Variants in KLF5 observed in about 807,000 individuals in gnomAD.
KLF5 encodes the protein KLF transcription factor 5.
A neutral mutation model predicts 36.9 loss-of-function variants in KLF5; 9 were observed. The ratio of observed to expected loss-of-function variants is 0.24; its 90% CI spans 0.15 to 0.43. KLF5 has a LOEUF of 0.43. KLF5 is among the 20% of genes least tolerant of loss of function. The probability of loss-of-function intolerance (pLI) is 1.00; values close to 1 mark genes in which losing one functional copy is unlikely to be tolerated. For missense variants in KLF5, 524 were observed against 599.5 expected (o/e 0.87, Z 1.31); for synonymous variants, 246 against 241.7 (o/e 1.02, Z -0.17).
At position 73,059,529 on chromosome 13, in the gene KLF5, C is replaced by G; in HGVS notation, c.202C>G (p.Pro68Ala). Residue 68 changes from proline to alanine, a missense_variant, in exon 1 of 4, where the codon CCG becomes GCG. By Grantham distance (27) the Pro-to-Ala change is conservative. This residue lies in a region of KLF5 where 454 missense variants were observed against 458.1 expected (regional missense o/e 0.99). Coordinates refer to ENST00000377687, the MANE Select transcript of KLF5 (RefSeq NM_001730.5). ...PQAQPAPAQA[P>A]QPAQPPATGP... Reference sequence around the variant, plus strand: ...GGCGCAGCCCGCGCCCGCGCAGGCCCCGCAGCCGGCCCAGCCGCCCGCCAC... The same window carrying G: ...GGCGCAGCCCGCGCCCGCGCAGGCCGCGCAGCCGGCCCAGCCGCCCGCCAC... The G allele has an allele frequency of 5.0e-6, 6 of 1,194,526 alleles. No homozygotes were observed. The highest frequency in any genetic ancestry group is 6.2e-6 in the Non-Finnish European group (6 of 967,882). 74.0% of individuals were successfully genotyped at this position (1,194,526 alleles called of 1,614,324 possible). A position where few individuals can be genotyped will look rare whatever the true frequency, so the allele number is the denominator to read the frequency against.
intron 3 of KLF5, among the ~76,000 whole-genome samples, chr13:73,067,586 TTTC>T (rs904217058): frequency 2.0e-5 from 3 of 152,074 alleles, no homozygotes; most frequent in African/African-American, 7.3e-5. Flanking sequence ...AGATTTTTTC[TTTC>T]TTTTTTTTCC....
At chr13:73,061,702 A>G (rs1033058212) in intron 1 of KLF5, among the ~76,000 whole-genome samples, 159 bp from the exon 2 acceptor site, 6 of 152,182 alleles carry the variant, frequency 3.9e-5, no homozygotes, top group Admixed American at 6.5e-5. Context: ...TTATTACACA[A>G]TCGACAAAAT....
At position 73,059,332 on chromosome 13, in the gene KLF5, C is replaced by G. The variant is rs1295931923; in HGVS notation, c.5C>G (p.Ala2Gly). 2.1e-6 allele frequency: 3 copies of G among 1,404,988 alleles called. No homozygotes were observed. Among genetic ancestry groups the G allele is most frequent in the Non-Finnish European group, 2.8e-6 (3 of 1,081,308 alleles). 87.0% of individuals were successfully genotyped at this position (1,404,988 alleles called of 1,614,324 possible). Residue 2 changes from alanine to glycine, a missense_variant, in exon 1 of 4, where the codon GCT becomes GGT. Transcript: ENST00000377687. M[A>G]TRVLSMSARL... The stretch of plus-strand genomic sequence containing the variant: ...GAGCTGCGCCCCCGAGTGCCCATGG[C>G]TACAAGGGTGCTGAGCATGAGCGCC...
intron 2 of KLF5, 65 bp downstream of exon 2, chr13:73,062,799 G>T (rs768737955): frequency 3.8e-4 from 535 of 1,409,090 alleles, no homozygotes; most frequent in Non-Finnish European, 4.8e-4. Context: ...GTCTGTGTGC[G>T]CGCGCGTGTG....
At chr13:73,073,053 G>A (rs1030108102) in intron 3 of KLF5, among the ~76,000 whole-genome samples, 1 of 152,090 alleles carries the variant, frequency 6.6e-6, no homozygotes, top group African/African-American at 2.4e-5. Context: ...TTAAATTGGT[G>A]GTATTGGAAA....
chr13:73,075,229 A>T (rs4885063), intron 3 of KLF5, among the ~76,000 whole-genome samples: 145,853 of 152,290 alleles, frequency 0.96, 70,157 homozygotes, highest in East Asian at 1. Context: ...ATGAAATTCA[A>T]TGTATAGGTG....
At chr13:73,057,449 A>T (rs922202008), upstream of KLF5, among the ~76,000 whole-genome samples, 14 of 152,214 alleles carry the variant, frequency 9.2e-5, no homozygotes, top group African/African-American at 3.1e-4. Context: ...TACTTTGATA[A>T]CATGAAAGTA....
intron 3 of KLF5, 74 bp from the exon 4 acceptor site, chr13:73,075,634 A>T: frequency 7.8e-7 from 1 of 1,280,940 alleles, no homozygotes; most frequent in Non-Finnish European, 1.1e-6. Flanking sequence ...TTTCTTTGAA[A>T]TTCCTTCTCC....
chr13:73,062,672 G>A lies in KLF5; in HGVS notation c.1073G>A (p.Arg358Lys). 2 of 1,614,124 alleles carry A rather than the reference G, an allele frequency of 1.2e-6. No individual in the cohort carries two copies. Among genetic ancestry groups the A allele is most frequent in the East Asian group, 2.2e-5 (1 of 44,876 alleles). ...PVNSQNIQPVRYNRRSNPDLE... is the reference protein window; with the variant it reads ...PVNSQNIQPVKYNRRSNPDLE... ...AACTCACAAAACATCCAACCTGTCA[G>A]ATACAATAGAAGGAGTAACCCCGAT... The change falls in exon 2 of 4, where the codon AGA becomes AAA. Residue 358 changes from arginine (R) to lysine (K), a missense_variant. By Grantham distance (26) the Arg-to-Lys change is conservative (BLOSUM62 2). Coordinates refer to ENST00000377687, the MANE Select transcript of KLF5 (RefSeq NM_001730.5).
Position 73,059,313 on chromosome 13 carries a change from C to A in KLF5, c.-15C>A, listed in dbSNP as rs1363960622. The A allele has an allele frequency of 3.7e-6, 5 of 1,358,434 alleles. No homozygotes were observed. In the South Asian group the frequency reaches 5.0e-5, roughly 14 times the overall value. 84.1% of individuals were successfully genotyped at this position (1,358,434 alleles called of 1,614,324 possible). The stretch of plus-strand genomic sequence containing the variant: ...TGCGCCCGACCCGCGCCTGGAGCTG[C>A]GCCCCCGAGTGCCCATGGCTACAAG... On this transcript the variant is annotated 5_prime_UTR_variant, in exon 1 of 4. Transcript: ENST00000377687.
At chr13:73,059,954 C>G (rs2044620415) in intron 1 of KLF5, 1 of 240,482 alleles carries the variant, frequency 4.2e-6, no homozygotes, top group South Asian at 1.5e-4. Flanking sequence ...TCGCCTGTAC[C>G]GCTCTCCAAT....
At chr13:73,075,195 T>TTC (rs2044750618) in intron 3 of KLF5, 1 of 152,090 alleles carries the variant, frequency 6.6e-6, no homozygotes, top group Non-Finnish European at 1.5e-5. Flanking sequence ...CTAGGACCAG[T>TTC]TTCTGGTTAA....
intron 1 of KLF5, chr13:73,060,589 C>T (rs2044627417): frequency 6.6e-6 from 1 of 152,250 alleles, no homozygotes. Context: ...AGAGATGTGA[C>T]TCACATGATG....
At chr13:73,071,333 G>C (rs569204375) in intron 3 of KLF5, among the ~76,000 whole-genome samples, 210 of 152,288 alleles carry the variant, frequency 1.4e-3, no homozygotes, top group Non-Finnish European at 2.6e-3. Context: ...TTGGCAATCA[G>C]CTTCCTTAGG....
chr13:73,074,710 A>G (rs1225316414), intron 3 of KLF5, among the ~76,000 whole-genome samples: 1 of 152,180 alleles, frequency 6.6e-6, no homozygotes, highest in African/African-American at 2.4e-5. Flanking sequence ...ACATTACAGG[A>G]TGGGAGGGAG....
chr13:73,068,457 C>T (rs982462738), intron 3 of KLF5, among the ~76,000 whole-genome samples: 2 of 152,090 alleles, frequency 1.3e-5, no homozygotes, highest in African/African-American at 4.8e-5. Flanking sequence ...GTAATTCTGG[C>T]ACTTGGGAGG....
At position 73,076,947 on chromosome 13, in the gene KLF5, C is replaced by T. The variant is rs192973261; in HGVS notation, c.*1061C>T. 2 of 152,464 alleles carry T rather than the reference C, an allele frequency of 1.3e-5. No homozygotes were observed. The highest frequency in any genetic ancestry group is 3.9e-4 in the East Asian group (2 of 5,178). 9.4% of individuals were successfully genotyped at this position (152,464 alleles called of 1,614,324 possible). A position where few individuals can be genotyped will look rare whatever the true frequency, so the allele number is the denominator to read the frequency against. On this transcript the variant is annotated 3_prime_UTR_variant, in exon 4 of 4. Coordinates refer to ENST00000377687, the MANE Select transcript of KLF5 (RefSeq NM_001730.5). ...TTTGCATGTAATACACAGTGAGACA[C>T]AGTAATTTTATCTAAATTACAGTGC...
rs1305944029 is a variant in KLF5, at chr13:73,059,242, C to A, written c.-86C>A. ...AACCTCCCCTCCTCCGCCGGCAGCCCCGCGCTGAGCTCGCCGACCCAAGCC... is the reference window on the plus strand; with the variant it reads ...AACCTCCCCTCCTCCGCCGGCAGCCACGCGCTGAGCTCGCCGACCCAAGCC... On this transcript the variant is annotated 5_prime_UTR_variant, in exon 1 of 4. Coordinates refer to ENST00000377687, the MANE Select transcript of KLF5 (RefSeq NM_001730.5). 1 of 1,227,434 alleles carries A rather than the reference C, an allele frequency of 8.1e-7. No homozygotes were observed. Among genetic ancestry groups the A allele is most frequent in the Non-Finnish European group, 1.0e-6 (1 of 973,724 alleles). The allele number at this position is 1,227,434 out of a possible 1,614,324, so 76.0% of individuals were successfully genotyped here. A position where few individuals can be genotyped will look rare whatever the true frequency, so the allele number is the denominator to read the frequency against.
At chr13:73,059,612 A>G (rs2044615031) in intron 1 of KLF5, 24 bp downstream of exon 1, 1 of 1,143,148 alleles carries the variant, frequency 8.7e-7, no homozygotes, top group East Asian at 4.4e-5. Context: ...CTCCCCTCCC[A>G]CCGCAGCACT....
Sources: gnomAD v4.1 joint callset for allele counts (sites outside exome capture counted in the v4.1 genomes callset) on GRCh38, gnomAD v4.1.1 for gene constraint, gnomAD v4.1.1 regional missense constraint, MANE v1.5 for transcripts, NCBI Gene and HGNC (gene_info 2026-07-23, HGNC 2026-07-21) for gene names.